Variants in PARP12 observed in about 807,000 individuals in gnomAD.
PARP12 encodes the protein poly(ADP-ribose) polymerase family member 12, also known as protein mono-ADP-ribosyltransferase PARP12.
Under a neutral mutation model 72.4 loss-of-function variants are expected in PARP12, and 59 were observed. That is an observed-to-expected ratio of 0.81 (90% CI 0.66 to 1.01). The LOEUF (loss-of-function observed/expected upper bound fraction) is 1.01. PARP12 is among the 50% of genes least tolerant of loss of function. The pLI, the probability that PARP12 is intolerant of heterozygous loss-of-function variation, is 0.00. For missense variants in PARP12, 851 were observed against 914.0 expected (o/e 0.93, Z 0.89); for synonymous variants, 403 against 371.4 (o/e 1.09, Z -0.98).
intron 5 of PARP12, among the ~76,000 whole-genome samples, chr7:140,042,482 G>A (rs1004485311): frequency 1.3e-5 from 2 of 152,216 alleles, no homozygotes; most frequent in Admixed American, 1.3e-4. Flanking sequence ...AGGAGGGCGA[G>A]AGCCAGCAGC....
chr7:140,051,490 A>C (rs989841510), intron 4 of PARP12, among the ~76,000 whole-genome samples: 4 of 151,994 alleles, frequency 2.6e-5, no homozygotes, highest in Non-Finnish European at 4.4e-5. Context: ...TCCCGGGTTC[A>C]AGTGACTTTC....
chr7:140,062,646 C>T lies in PARP12; in HGVS notation c.202G>A (p.Ala68Thr). Residue 68 changes from alanine to threonine, a missense_variant, in exon 1 of 12, where the codon GCC becomes ACC. Physicochemically the swap from Ala to Thr is moderately conservative, Grantham distance 58. Around this residue, in one of 3 missense-constraint regions of PARP12, gnomAD observed 492 missense variants for 489.3 expected, o/e 1.01. Transcript: ENST00000263549. ...AAAAPERVVL[A>T]ASPLRLCRAH... Reference sequence around the variant, plus strand: ...CGACACAGGCGCAGCGGCGAGGCGGCCAGCACCACGCGCTCCGGGGCCGCG... The same window carrying T: ...CGACACAGGCGCAGCGGCGAGGCGGTCAGCACCACGCGCTCCGGGGCCGCG... The T allele has an allele frequency of 1.4e-6, 2 of 1,416,808 alleles. No individual in the cohort carries two copies. The highest frequency in any genetic ancestry group is 1.8e-6 in the Non-Finnish European group (2 of 1,085,698). 87.8% of individuals were successfully genotyped at this position (1,416,808 alleles called of 1,614,324 possible). A position where few individuals can be genotyped will look rare whatever the true frequency, so the allele number is the denominator to read the frequency against.
chr7:140,061,097 A>G (rs1817425714), intron 1 of PARP12, among the ~76,000 whole-genome samples: 1 of 152,178 alleles, frequency 6.6e-6, no homozygotes, highest in Non-Finnish European at 1.5e-5. Flanking sequence ...TCACACACAT[A>G]GCCCTTGGAA....
intron 4 of PARP12, 37 bp downstream of exon 4, chr7:140,054,625 T>C (rs1232676319): frequency 1.3e-6 from 2 of 1,503,426 alleles, no homozygotes; most frequent in South Asian, 2.3e-5. Flanking sequence ...CAGTTACCCC[T>C]CCCACAAGTG....
At position 140,058,013 on chromosome 7, in the gene PARP12, G is replaced by A. The variant is rs1817260530; in HGVS notation, c.348C>T (p.His116=). Residue 116 remains histidine, a synonymous_variant, in exon 2 of 12, where the codon CAC becomes CAT. Coordinates refer to ENST00000263549, the MANE Select transcript of PARP12 (RefSeq NM_022750.4). ...LRAGKNCRNS[H]SLTTEHNLSV... ...TCAGGTTGTGTTCGGTTGTCAAGCT[G>A]TGACTATTCCTACAGTTCTTCCTGC... 2 of 1,614,138 alleles carry A rather than the reference G, an allele frequency of 1.2e-6. No individual in the cohort carries two copies. Among genetic ancestry groups the A allele is most frequent in the Non-Finnish European group, 1.7e-6 (2 of 1,180,056 alleles).
chr7:140,049,289 CTGAAGATCTCCTAACTTGTCCAGTT>C (rs758010548), intron 4 of PARP12, among the ~76,000 whole-genome samples: 3 of 152,218 alleles, frequency 2.0e-5, no homozygotes, highest in Non-Finnish European at 4.4e-5. Context: ...ACACCAGGGA[CTGAAGATCTCCTAACTTGTCCAGTT>C]TGAACATGGA....
chr7:140,051,397 CTT>C (rs1233405397), intron 4 of PARP12, among the ~76,000 whole-genome samples: 1 of 141,230 alleles, frequency 7.1e-6, no homozygotes, highest in Non-Finnish European at 1.6e-5. Context: ...GATTTTTTTT[CTT>C]TTTTTTTTTT....
rs1159003872 is a variant in PARP12, at chr7:140,024,622, T to TGGAGGA, written c.2038_2043dup (p.Ser680_Ser681dup). 6.2e-7 allele frequency: 1 copy of TGGAGGA among 1,614,068 alleles called. No individual in the cohort carries two copies. Among genetic ancestry groups the TGGAGGA allele is most frequent in the Admixed American group, 1.7e-5 (1 of 60,008 alleles). ...AGGATGGAGGGTGTGACCGAGGGCTTGGAGGAGGTGGTGTACTGGATGACA... is the reference window on the plus strand; with the variant it reads ...AGGATGGAGGGTGTGACCGAGGGCTTGGAGGAGGAGGAGGTGGTGTACTGGATGACA... On this transcript the variant is annotated inframe_insertion, in exon 12 of 12. Transcript: ENST00000263549.
At position 140,057,958 on chromosome 7, in the gene PARP12, G is replaced by C. The variant is rs138620579; in HGVS notation, c.403C>G (p.Leu135Val). The change falls in exon 2 of 12, where the codon CTG becomes GTG. Residue 135 changes from leucine (L) to valine (V), a missense_variant. Leu to Val is a conservative substitution (Grantham distance 32, BLOSUM62 1). Transcript: ENST00000263549. Reference sequence around the variant, plus strand: ...AGTTGGCATAGCTCATTATAGCTCAGGTGGTCAACGCCATGAGTTCTCAGC... The same window carrying C: ...AGTTGGCATAGCTCATTATAGCTCACGTGGTCAACGCCATGAGTTCTCAGC... ...SVLRTHGVDH[L>V]SYNELCQLLF... 1 of 1,614,240 alleles carries C rather than the reference G, an allele frequency of 6.2e-7. No individual in the cohort carries two copies. The highest frequency in any genetic ancestry group is 8.5e-7 in the Non-Finnish European group (1 of 1,180,030).
intron 8 of PARP12, 96 bp from the exon 9 acceptor site, chr7:140,028,784 A>T (rs2286195): frequency 1.9e-6 from 2 of 1,041,408 alleles, no homozygotes; most frequent in East Asian, 2.8e-5. Context: ...ACCAGTCTTG[A>T]GTCTCAGCAC....
chr7:140,030,364 G>A (rs1054442639), intron 8 of PARP12, among the ~76,000 whole-genome samples: 4 of 152,216 alleles, frequency 2.6e-5, no homozygotes, highest in Admixed American at 6.5e-5. Flanking sequence ...TTGGGAGGCC[G>A]AGGTGGGCAG....
At chr7:140,056,744 C>T in intron 3 of PARP12, 112 bp downstream of exon 3, 1 of 1,151,848 alleles carries the variant, frequency 8.7e-7, no homozygotes, top group Non-Finnish European at 1.2e-6. Context: ...AAAGCAGCAC[C>T]AGACTTGCCC....
rs1318609115 is a variant in PARP12 at position 140,024,322 on chromosome 7, CATT to C, written c.*235_*237del. The stretch of plus-strand genomic sequence containing the variant: ...AAGAGTAAAAACTAAAACTTCAACA[CATT>C]ATTAAAAAGCAAAACTGGACTCAAC... On this transcript the variant is annotated 3_prime_UTR_variant, in exon 12 of 12. Transcript: ENST00000263549. 3.4e-5 allele frequency: 18 copies of C among 536,702 alleles called. No individual in the cohort carries two copies. In the Admixed American group the frequency reaches 4.1e-4, roughly 12 times the overall value. 33.2% of individuals were successfully genotyped at this position (536,702 alleles called of 1,614,324 possible).
chr7:140,026,409 C>A, intron 10 of PARP12, 61 bp from the exon 11 acceptor site: 1 of 1,555,306 alleles, frequency 6.4e-7, no homozygotes, highest in Non-Finnish European at 8.6e-7. Flanking sequence ...ATACAGCCGG[C>A]CTGATGCAAA....
At chr7:140,043,659 T>C (rs980152428) in intron 5 of PARP12, among the ~76,000 whole-genome samples, 4 of 151,872 alleles carry the variant, frequency 2.6e-5, no homozygotes, top group Admixed American at 1.3e-4. Flanking sequence ...TCCCGAGGAG[T>C]AGCTGGGATT....
At chr7:140,033,645 T>G (rs1816032859) in intron 8 of PARP12, 1 of 985,374 alleles carries the variant, frequency 1.0e-6, no homozygotes, top group African/African-American at 1.7e-5. Context: ...GTCTGATCAG[T>G]ACAAAGCACA....
chr7:140,054,096 A>G lies in PARP12; in HGVS notation c.862+566T>C, dbSNP rs148013110. Among the ~76,000 whole-genome samples, 675 of 152,342 alleles carry G rather than the reference A, an allele frequency of 4.4e-3. 4 individuals are homozygous for G. The highest frequency in any genetic ancestry group is 0.016 in the African/African-American group (652 of 41,590). On this transcript the variant is annotated intron_variant, in intron 4 of 11. Transcript: ENST00000263549. ...AACCTTTCTTCAGTCAAAGCCCAGG[A>G]CAGCATTTAAGAAGAAAACAAAGGT...
chr7:140,052,047 T>C (rs764491418), intron 4 of PARP12, among the ~76,000 whole-genome samples: 4 of 152,224 alleles, frequency 2.6e-5, no homozygotes, highest in South Asian at 4.1e-4. Flanking sequence ...TTAGGAGCCA[T>C]TGCTTTGTCT....
chr7:140,027,628 C>A, intron 9 of PARP12: 1 of 399,648 alleles, frequency 2.5e-6, no homozygotes, highest in South Asian at 3.2e-5. Context: ...AAACAACAAA[C>A]CTCTTGTTTA....
Sources: allele counts gnomAD v4.1 joint callset (sites outside exome capture counted in the v4.1 genomes callset), GRCh38; gene constraint gnomAD v4.1.1; regional missense constraint gnomAD v4.1.1; transcripts MANE v1.5; gene names NCBI Gene and HGNC (gene_info 2026-07-23, HGNC 2026-07-21).